Variants in IGF1R observed in about 807,000 individuals in gnomAD.
IGF1R encodes insulin like growth factor 1 receptor, also known as insulin-like growth factor 1 receptor.
In IGF1R, 44 loss-of-function variants were observed where a neutral mutation model predicts 144.6. The observed-to-expected ratio is 0.30, with a 90% confidence interval of 0.24 to 0.39. IGF1R has a LOEUF of 0.39. Among genes scored for constraint, IGF1R ranks in the 10% least tolerant of loss-of-function variants. The pLI, the probability that IGF1R is intolerant of heterozygous loss-of-function variation, is 1.00. For synonymous variants in IGF1R, 795 were observed against 722.8 expected, an observed-to-expected ratio of 1.10 and a Z score of -1.60; for missense variants, 1,355 against 1,833.7, an observed-to-expected ratio of 0.74 and a Z score of 4.77.
At chr15:98,758,732 G>C (rs962973399) in intron 2 of IGF1R, among the ~76,000 whole-genome samples, 1 of 152,182 alleles carries the variant, frequency 6.6e-6, no homozygotes, top group African/African-American at 2.4e-5. Context: ...GGCCTCAGAA[G>C]GCCCTCACTC....
chr15:98,956,915 G>A (rs1271462093), intron 20 of IGF1R, 146 bp from the exon 21 acceptor site: 7 of 898,170 alleles, frequency 7.8e-6, no homozygotes, highest in African/African-American at 6.5e-5. Flanking sequence ...CAGGCAGAAA[G>A]CCAGGGATGG....
At chr15:98,868,457 G>T (rs1311642953) in intron 2 of IGF1R, among the ~76,000 whole-genome samples, 1 of 150,082 alleles carries the variant, frequency 6.7e-6, no homozygotes, top group Non-Finnish European at 1.5e-5. Flanking sequence ...CAGTATGTGA[G>T]TTCTGTCTCC....
chr15:98,725,589 T>C (rs2054339308), intron 2 of IGF1R, among the ~76,000 whole-genome samples: 1 of 152,146 alleles, frequency 6.6e-6, no homozygotes, highest in Non-Finnish European at 1.5e-5. Context: ...CTGGAGTGAA[T>C]AGGGATCAGG....
At chr15:98,753,540 A>C (rs1483378057) in intron 2 of IGF1R, among the ~76,000 whole-genome samples, 1 of 151,894 alleles carries the variant, frequency 6.6e-6, no homozygotes, top group African/African-American at 2.4e-5. Context: ...GCCAATAATT[A>C]TATAAATTTT....
rs569074413 is a variant in IGF1R at position 98,868,417 on chromosome 15, G to C, written c.641-22908G>C. 2.0e-5 allele frequency among the ~76,000 whole-genome samples: 3 copies of C among 148,676 alleles called. No individual in the cohort carries two copies. The South Asian group carries it at 6.4e-4, about 32-fold the overall frequency. ...GGCCCTGACAGATCTTTAAGGCATG[G>C]AAATGAGCCTTATGCAAGCTCCTGG... On this transcript the variant is annotated intron_variant, in intron 2 of 20. Coordinates refer to ENST00000650285, the MANE Select transcript of IGF1R (RefSeq NM_000875.5).
At chr15:98,661,608 G>T (rs748726317) in intron 1 of IGF1R, among the ~76,000 whole-genome samples, 1 of 152,140 alleles carries the variant, frequency 6.6e-6, no homozygotes, top group Non-Finnish European at 1.5e-5. Context: ...GCTCTTCTCC[G>T]TGCGGTTTGC....
intron 2 of IGF1R, among the ~76,000 whole-genome samples, chr15:98,869,646 G>C (rs2012673882): frequency 6.6e-6 from 1 of 152,046 alleles, no homozygotes; most frequent in African/African-American, 2.4e-5. Flanking sequence ...TGTTGGTCAG[G>C]GTGGTCTCGA....
At chr15:98,911,237 G>T in intron 6 of IGF1R, 78 bp from the exon 7 acceptor site, 1 of 1,557,928 alleles carries the variant, frequency 6.4e-7, no homozygotes, top group Non-Finnish European at 8.8e-7. Context: ...GGGGAAGGGG[G>T]AAGCAGTGCC....
chr15:98,781,177 A>T (rs531965409), intron 2 of IGF1R, among the ~76,000 whole-genome samples: 8 of 152,328 alleles, frequency 5.3e-5, no homozygotes, highest in African/African-American at 1.9e-4. Context: ...CTAGGTGAGA[A>T]ACTGGAATAT....
At chr15:98,703,441 T>C (rs2053785273) in intron 1 of IGF1R, among the ~76,000 whole-genome samples, 1 of 152,154 alleles carries the variant, frequency 6.6e-6, no homozygotes, top group Non-Finnish European at 1.5e-5. Context: ...TGGTCCAGCT[T>C]GGTTTTCTTT....
chr15:98,733,038 C>T, intron 2 of IGF1R, among the ~76,000 whole-genome samples: 1 of 152,128 alleles, frequency 6.6e-6, no homozygotes, highest in East Asian at 1.9e-4. Context: ...CTTTTAGATT[C>T]TATAAGGAGT....
At chr15:98,846,883 T>C (rs542102163) in intron 2 of IGF1R, among the ~76,000 whole-genome samples, 2 of 152,348 alleles carry the variant, frequency 1.3e-5, no homozygotes, top group East Asian at 3.9e-4. Flanking sequence ...GTTTTAGGCT[T>C]GCTGAAAATG....
Position 98,953,472 on chromosome 15 carries a change from G to T in IGF1R, c.3723-3589G>T, listed in dbSNP as rs76615988. The stretch of plus-strand genomic sequence containing the variant: ...TCTCGGTATTTATGCCACAGATACT[G>T]TTGAGCTCCTCTGGGTGCGTGCTGA... On this transcript the variant is annotated intron_variant, in intron 20 of 20. Coordinates refer to ENST00000650285, the MANE Select transcript of IGF1R (RefSeq NM_000875.5). Among the ~76,000 whole-genome samples, 9 of 152,282 alleles carry T rather than the reference G, an allele frequency of 5.9e-5. No homozygotes were observed. The East Asian group carries it at 1.5e-3, about 26-fold the overall frequency.
At chr15:98,713,872 C>A (rs2054054559) in intron 2 of IGF1R, among the ~76,000 whole-genome samples, 1 of 152,160 alleles carries the variant, frequency 6.6e-6, no homozygotes, top group East Asian at 1.9e-4. Flanking sequence ...GCTCAGATCA[C>A]CCTGAGTGCG....
chr15:98,708,710 C>T (rs1042367923), intron 2 of IGF1R, among the ~76,000 whole-genome samples: 1 of 152,174 alleles, frequency 6.6e-6, no homozygotes, highest in African/African-American at 2.4e-5. Flanking sequence ...CCTCTGGACC[C>T]ATTTCTGCAA....
In IGF1R at chr15:98,900,095, A is replaced by G. The variant is rs182611178; in HGVS notation, c.1247+474A>G. On this transcript the variant is annotated intron_variant, in intron 5 of 20. Transcript: ENST00000650285. The stretch of plus-strand genomic sequence containing the variant: ...GCATGGGCGGTTCGTTTTGTTAGAA[A>G]GAAACCCGGATTCACGAGATGGTTT... Among the ~76,000 whole-genome samples, 269 of 152,350 alleles carry G rather than the reference A, an allele frequency of 1.8e-3. 2 individuals carry two copies. The highest frequency in any genetic ancestry group is 5.5e-3 in the African/African-American group (228 of 41,590).
chr15:98,904,274 G>A (rs940584573), intron 5 of IGF1R, among the ~76,000 whole-genome samples: 4 of 152,006 alleles, frequency 2.6e-5, no homozygotes, highest in South Asian at 2.1e-4. Context: ...GTATGGTCTC[G>A]ATCATCTGAC....
chr15:98,959,147 G>C lies in IGF1R; in HGVS notation c.*1705G>C. 4.3e-6 allele frequency: 1 copy of C among 233,458 alleles called. No individual in the cohort carries two copies. Among genetic ancestry groups the C allele is most frequent in the Non-Finnish European group, 8.5e-6 (1 of 118,038 alleles). The allele number at this position is 233,458 out of a possible 1,614,324, so 14.5% of individuals were successfully genotyped here. Reference sequence around the variant, plus strand: ...CAGTGTTTCCACTCACCGTGGTTGAGAAGCCTCACCCTCTCTTTCCCTTGC... The same window carrying C: ...CAGTGTTTCCACTCACCGTGGTTGACAAGCCTCACCCTCTCTTTCCCTTGC... On this transcript the variant is annotated 3_prime_UTR_variant, in exon 21 of 21. Transcript: ENST00000650285.
chr15:98,788,213 A>G (rs1006931409), intron 2 of IGF1R, among the ~76,000 whole-genome samples: 2 of 152,136 alleles, frequency 1.3e-5, no homozygotes, highest in African/African-American at 4.8e-5. Context: ...GAAAGCATCA[A>G]GTTGTATGCA....
Sources: allele counts gnomAD v4.1 joint callset (sites outside exome capture counted in the v4.1 genomes callset), GRCh38; gene constraint gnomAD v4.1.1; transcripts MANE v1.5; gene names NCBI Gene and HGNC (gene_info 2026-07-23, HGNC 2026-07-21).